Variants in INSC observed in about 807,000 individuals in gnomAD.
INSC encodes protein inscuteable homolog.
Under a neutral mutation model 58.6 loss-of-function variants are expected in INSC, and 67 were observed. The ratio of observed to expected loss-of-function variants is 1.14; its 90% CI spans 0.94 to 1.40. INSC has a LOEUF of 1.40. INSC is among the 40% of genes most tolerant of loss of function. The probability of loss-of-function intolerance (pLI) is 0.00; values close to 1 mark genes in which losing one functional copy is unlikely to be tolerated. For synonymous variants in INSC, 262 were observed against 276.1 expected (o/e 0.95, Z 0.51); for missense variants, 714 against 692.0 (o/e 1.03, Z -0.36).
intron 2 of INSC, among the ~76,000 whole-genome samples, chr11:15,166,965 G>A (rs1441104863): frequency 5.3e-5 from 8 of 152,118 alleles, no homozygotes; most frequent in East Asian, 1.9e-4. Context: ...TAAGGTTGTC[G>A]TGAATAAAAT....
At chr11:15,210,505 TTG>T (rs56375160) in intron 7 of INSC, among the ~76,000 whole-genome samples, 9,285 of 135,370 alleles carry the variant, frequency 0.069, 326 homozygotes, top group East Asian at 0.16. Flanking sequence ...ATTTGAGAGT[TTG>T]TGTGTGTGTG....
chr11:15,128,081 C>A (rs558529129), intron 1 of INSC, among the ~76,000 whole-genome samples: 10 of 152,014 alleles, frequency 6.6e-5, no homozygotes, highest in African/African-American at 2.4e-4. Flanking sequence ...GTCATTTATC[C>A]TCTCTGGGCC....
intron 12 of INSC, among the ~76,000 whole-genome samples, chr11:15,243,494 T>C (rs996351011): frequency 3.3e-5 from 5 of 152,164 alleles, no homozygotes; most frequent in Non-Finnish European, 4.4e-5. Flanking sequence ...ACTAGCTGTT[T>C]AACCCTCCCA....
At position 15,212,019 on chromosome 11, in the gene INSC, C is replaced by T. The variant is rs367723898; in HGVS notation, c.820-9458C>T. On this transcript the variant is annotated intron_variant, in intron 7 of 12. Transcript: ENST00000379556. ...CTTAATTTCTTTACAGTTTTATATACATTTTAGAATCAGCTTGTCAATGTC... is the reference window on the plus strand; with the variant it reads ...CTTAATTTCTTTACAGTTTTATATATATTTTAGAATCAGCTTGTCAATGTC... Among the ~76,000 whole-genome samples the T allele has an allele frequency of 2.0e-5, 3 of 152,210 alleles. No individual in the cohort carries two copies. The East Asian group carries it at 5.8e-4, about 29-fold the overall frequency.
At chr11:15,135,016 A>G (rs992387707) in intron 1 of INSC, among the ~76,000 whole-genome samples, 1 of 151,976 alleles carries the variant, frequency 6.6e-6, no homozygotes, top group Admixed American at 6.6e-5. Context: ...ATTTGGAGGG[A>G]GAAATTAGTG....
At chr11:15,119,728 C>T (rs538840438) in intron 1 of INSC, among the ~76,000 whole-genome samples, 1 of 152,308 alleles carries the variant, frequency 6.6e-6, no homozygotes, top group South Asian at 2.1e-4. Context: ...ACAATTGGCT[C>T]AGGCCATCTC....
Position 15,201,054 on chromosome 11 carries a change from G to A in INSC, c.819+105G>A, listed in dbSNP as rs760735271. 4.4e-5 allele frequency: 61 copies of A among 1,372,442 alleles called. 1 individual carries two copies. The highest frequency in any genetic ancestry group is 2.5e-4 in the Middle Eastern group (1 of 3,926). 85.0% of individuals were successfully genotyped at this position (1,372,442 alleles called of 1,614,324 possible). A position where few individuals can be genotyped will look rare whatever the true frequency, so the allele number is the denominator to read the frequency against. ...TTCCTTTTCATGGACCAAGTGCCTC[G>A]AGTAGTCCTTTTCCCAGGCACCATT... On this transcript the variant is annotated intron_variant, in intron 7 of 12. Coordinates refer to ENST00000379556, the MANE Select transcript of INSC (RefSeq NM_001042536.3).
chr11:15,159,381 G>A (rs1848935662), intron 2 of INSC, among the ~76,000 whole-genome samples: 1 of 152,150 alleles, frequency 6.6e-6, no homozygotes, highest in African/African-American at 2.4e-5. Flanking sequence ...CATTACGTCT[G>A]TGAATTATCC....
Position 15,195,298 on chromosome 11 carries a change from T to A in INSC, c.693+4484T>A, listed in dbSNP as rs373450495. On this transcript the variant is annotated intron_variant, in intron 6 of 12. Coordinates refer to ENST00000379556, the MANE Select transcript of INSC (RefSeq NM_001042536.3). The stretch of plus-strand genomic sequence containing the variant: ...GTAGCTGAACTTCTTTTGGAACAAT[T>A]ACCATTTTTCCCTTTCAAAATGAGT... Among the ~76,000 whole-genome samples, 319 of 152,330 alleles carry A rather than the reference T, an allele frequency of 2.1e-3. 1 individual carries two copies. Among genetic ancestry groups the A allele is most frequent in the African/African-American group, 7.4e-3 (308 of 41,588 alleles).
intron 5 of INSC, among the ~76,000 whole-genome samples, chr11:15,187,144 A>C (rs1400616272): frequency 6.6e-6 from 1 of 152,142 alleles, no homozygotes; most frequent in East Asian, 1.9e-4. Context: ...ACAGTTATCA[A>C]ACTTCTGATA....
intron 7 of INSC, among the ~76,000 whole-genome samples, chr11:15,210,691 C>T (rs1291197625): frequency 6.6e-6 from 1 of 152,028 alleles, no homozygotes; most frequent in Admixed American, 6.5e-5. Flanking sequence ...AGGCCGTGCT[C>T]ACAGGGAAGC....
chr11:15,126,990 C>T (rs1472024479), intron 1 of INSC, among the ~76,000 whole-genome samples: 1 of 152,174 alleles, frequency 6.6e-6, no homozygotes, highest in African/African-American at 2.4e-5. Context: ...TCCTTGGTGA[C>T]ATCTCACTGG....
At chr11:15,229,408 TAC>T (rs1202222414) in intron 9 of INSC, among the ~76,000 whole-genome samples, 2 of 152,194 alleles carry the variant, frequency 1.3e-5, no homozygotes, top group Non-Finnish European at 2.9e-5. Context: ...CTCTGTCATA[TAC>T]ATATATGACG....
At chr11:15,139,673 T>C (rs1450077626) in intron 1 of INSC, among the ~76,000 whole-genome samples, 1 of 152,216 alleles carries the variant, frequency 6.6e-6, no homozygotes, top group East Asian at 1.9e-4. Context: ...GATCCCATTT[T>C]ATAGATCAAA....
At chr11:15,112,424 G>A, upstream of INSC, 1 of 1,492,820 alleles carries the variant, frequency 6.7e-7, no homozygotes, top group Non-Finnish European at 9.1e-7. Flanking sequence ...TGTTCACAGG[G>A]GCCTCTGTAA....
chr11:15,130,223 T>C (rs1848094033), intron 1 of INSC, among the ~76,000 whole-genome samples: 1 of 152,244 alleles, frequency 6.6e-6, no homozygotes, highest in South Asian at 2.1e-4. Context: ...TTGTGGTATA[T>C]ATTTTTCTTG....
chr11:15,178,855 C>T (rs1185862469), intron 5 of INSC, among the ~76,000 whole-genome samples: 1 of 152,202 alleles, frequency 6.6e-6, no homozygotes, highest in Non-Finnish European at 1.5e-5. Context: ...TGTCAGGCCA[C>T]AGGAGTAAAT....
Position 15,246,427 on chromosome 11 carries a change from AT to A in INSC, c.*390del, listed in dbSNP as rs557851779. ...CTAGCAAGTTTTTTTTTTAAGTTGG[AT>A]TTGCTCTTCCCAAAAATCTAAAATG... On this transcript the variant is annotated 3_prime_UTR_variant, in exon 13 of 13. Coordinates refer to ENST00000379556, the MANE Select transcript of INSC (RefSeq NM_001042536.3). The A allele has an allele frequency of 3.7e-4, 57 of 154,072 alleles. No homozygotes were observed. In the East Asian group the frequency reaches 0.01, roughly 28 times the overall value. 9.5% of individuals were successfully genotyped at this position (154,072 alleles called of 1,614,324 possible).
chr11:15,240,580 G>A (rs1305206026), intron 12 of INSC, 57 bp downstream of exon 12: 1 of 1,454,610 alleles, frequency 6.9e-7, no homozygotes, highest in South Asian at 1.2e-5. Flanking sequence ...CAGCCAAGGG[G>A]GCCAGGAGAA....
Sources: allele counts gnomAD v4.1 joint callset (sites outside exome capture counted in the v4.1 genomes callset), GRCh38; gene constraint gnomAD v4.1.1; transcripts MANE v1.5; gene names NCBI Gene and HGNC (gene_info 2026-07-23, HGNC 2026-07-21).